The following THSD7B variants were observed in gnomAD, a reference collection of about 807,000 sequenced individuals.
The protein encoded by THSD7B is thrombospondin type 1 domain containing 7B.
A neutral mutation model predicts 213.6 loss-of-function variants in THSD7B; 138 were observed. The observed-to-expected ratio is 0.65, with a 90% CI of 0.56 to 0.74. THSD7B has a LOEUF of 0.74. THSD7B is among the 30% of genes least tolerant of loss of function. THSD7B has a pLI of 0.00. For synonymous variants in THSD7B, 742 were observed against 687.0 expected (o/e 1.08, Z -1.25); for missense variants, 1,931 against 1,991.5 (o/e 0.97, Z 0.58).
At chr2:137,384,463 C>A (rs189546891) in intron 12 of THSD7B, among the ~76,000 whole-genome samples, 1 of 152,240 alleles carries the variant, frequency 6.6e-6, no homozygotes, top group East Asian at 1.9e-4. Flanking sequence ...GATTAAAATT[C>A]TCCTCTTTCT....
At chr2:136,786,723 C>T (rs1681857838) in intron 1 of THSD7B, among the ~76,000 whole-genome samples, 1 of 152,104 alleles carries the variant, frequency 6.6e-6, no homozygotes, top group Admixed American at 6.6e-5. Flanking sequence ...ACTGGTATTT[C>T]CATTGTGCAG....
intron 15 of THSD7B, among the ~76,000 whole-genome samples, chr2:137,558,661 G>A (rs4528820): frequency 4.6e-5 from 7 of 152,276 alleles, no homozygotes; most frequent in Non-Finnish European, 8.8e-5. Context: ...CACAAGACAG[G>A]GATGTCCTCT....
intron 1 of THSD7B, among the ~76,000 whole-genome samples, chr2:136,847,185 G>A (rs141132748): frequency 0.023 from 3,444 of 152,284 alleles, 67 homozygotes; most frequent in South Asian, 0.064. Flanking sequence ...AGAGGACTCT[G>A]TTACTGGCCG....
intron 25 of THSD7B, among the ~76,000 whole-genome samples, chr2:137,661,056 C>T (rs1234220999): frequency 6.6e-6 from 1 of 152,066 alleles, no homozygotes; most frequent in African/African-American, 2.4e-5. Context: ...AAGCTAAGGT[C>T]TGTTCAGAAA....
intron 25 of THSD7B, 73 bp downstream of exon 25, chr2:137,659,819 T>G: frequency 3.5e-6 from 5 of 1,439,598 alleles, no homozygotes; most frequent in Non-Finnish European, 4.7e-6. Flanking sequence ...GATGTTCTCC[T>G]GCCGGCTGCA....
At chr2:137,213,061 C>T (rs933534431) in intron 7 of THSD7B, among the ~76,000 whole-genome samples, 20 of 142,230 alleles carry the variant, frequency 1.4e-4, no homozygotes, top group African/African-American at 4.2e-4. Flanking sequence ...TATACAGAAA[C>T]GTTGTCAGGT....
chr2:137,222,709 C>G (rs1681397592), intron 7 of THSD7B, among the ~76,000 whole-genome samples: 1 of 152,132 alleles, frequency 6.6e-6, no homozygotes, highest in Non-Finnish European at 1.5e-5. Context: ...ACATCAGAGA[C>G]AATAATTCTG....
intron 1 of THSD7B, among the ~76,000 whole-genome samples, chr2:136,866,078 G>A (rs1379400379): frequency 6.6e-6 from 1 of 152,174 alleles, no homozygotes. Context: ...TTCCCCAAAA[G>A]TATTGTCAAC....
At chr2:137,360,293 G>A (rs1201124477) in intron 12 of THSD7B, among the ~76,000 whole-genome samples, 1 of 152,158 alleles carries the variant, frequency 6.6e-6, no homozygotes, top group Non-Finnish European at 1.5e-5. Context: ...AGCTCTCAGT[G>A]TGATCGACGC....
intron 16 of THSD7B, among the ~76,000 whole-genome samples, chr2:137,565,269 C>A (rs1681212442): frequency 6.6e-6 from 1 of 152,094 alleles, no homozygotes; most frequent in African/African-American, 2.4e-5. Flanking sequence ...ACAGAATACC[C>A]AAGACTTAGC....
chr2:137,499,009 A>G (rs1679639806), intron 15 of THSD7B, among the ~76,000 whole-genome samples: 1 of 152,188 alleles, frequency 6.6e-6, no homozygotes, highest in Non-Finnish European at 1.5e-5. Context: ...AAGGAGGTAC[A>G]GGATCTCCCT....
At chr2:136,856,673 C>T (rs752955485) in intron 1 of THSD7B, among the ~76,000 whole-genome samples, 17 of 152,118 alleles carry the variant, frequency 1.1e-4, no homozygotes, top group Non-Finnish European at 1.9e-4. Flanking sequence ...CGCCACCACG[C>T]CTGGCTAACT....
intron 2 of THSD7B, among the ~76,000 whole-genome samples, chr2:136,942,761 G>T (rs1573724281): frequency 6.6e-6 from 1 of 152,278 alleles, no homozygotes; most frequent in East Asian, 1.9e-4. Context: ...CTGAGACGAT[G>T]GGGTTTTCTA....
chr2:137,488,805 G>T (rs1447090847), intron 15 of THSD7B, among the ~76,000 whole-genome samples: 1 of 152,138 alleles, frequency 6.6e-6, no homozygotes, highest in Non-Finnish European at 1.5e-5. Flanking sequence ...AGAGAAGAAA[G>T]AACTTTGTTC....
chr2:137,485,756 T>C (rs1378769524), intron 15 of THSD7B, among the ~76,000 whole-genome samples: 1 of 152,080 alleles, frequency 6.6e-6, no homozygotes, highest in Non-Finnish European at 1.5e-5. Flanking sequence ...AAAGATCGGG[T>C]TACCCACAAA....
Position 137,571,089 on chromosome 2 carries a change from G to A in THSD7B, c.3273-1317G>A, listed in dbSNP as rs539366245. Reference sequence around the variant, plus strand: ...CAGCCCAGAGGTCAAGAAACAAAATGTTATCAAGACTACCTAAGTCCCTAT... The same window carrying A: ...CAGCCCAGAGGTCAAGAAACAAAATATTATCAAGACTACCTAAGTCCCTAT... On this transcript the variant is annotated intron_variant, in intron 16 of 27. Transcript: ENST00000409968. Among the ~76,000 whole-genome samples the A allele has an allele frequency of 2.0e-5, 3 of 152,244 alleles. No individual in the cohort carries two copies. In the East Asian group the frequency reaches 5.8e-4, roughly 29 times the overall value.
chr2:136,776,636 G>A (rs565349001), intron 1 of THSD7B, among the ~76,000 whole-genome samples: 2 of 152,180 alleles, frequency 1.3e-5, no homozygotes, highest in Non-Finnish European at 2.9e-5. Flanking sequence ...TGGCAACAAG[G>A]TTGGCAAGCA....
At chr2:136,988,105 A>T (rs1294958754) in intron 2 of THSD7B, among the ~76,000 whole-genome samples, 1 of 152,180 alleles carries the variant, frequency 6.6e-6, no homozygotes, top group East Asian at 1.9e-4. Context: ...GTTTTAGAAT[A>T]TGGCCGTCTC....
At chr2:136,920,595 C>T (rs1573711151) in intron 2 of THSD7B, among the ~76,000 whole-genome samples, 6 of 152,322 alleles carry the variant, frequency 3.9e-5, no homozygotes, top group Admixed American at 3.9e-4. Flanking sequence ...AGGCCATGGA[C>T]TTCACCTGGA....
Sources: gnomAD v4.1 joint callset for allele counts (sites outside exome capture counted in the v4.1 genomes callset) on GRCh38, gnomAD v4.1.1 for gene constraint, MANE v1.5 for transcripts, NCBI Gene and HGNC (gene_info 2026-07-23, HGNC 2026-07-21) for gene names.